SND1: variants seen among roughly 807,000 people sequenced by gnomAD.
SND1 encodes staphylococcal nuclease domain-containing protein 1.
SND1 carries 38 observed loss-of-function variants against 121.7 expected under a neutral mutation model. That is an observed-to-expected ratio of 0.31 (90% CI 0.24 to 0.41). SND1 has a LOEUF of 0.41. Among genes scored for constraint, SND1 ranks in the 10% least tolerant of loss-of-function variants. The pLI, the probability that SND1 is intolerant of heterozygous loss-of-function variation, is 1.00. For synonymous variants in SND1, 401 were observed against 447.4 expected, an observed-to-expected ratio of 0.90 and a Z score of 1.31; for missense variants, 868 against 1,184.6, an observed-to-expected ratio of 0.73 and a Z score of 3.92.
chr7:128,091,756 A>T lies in SND1; in HGVS notation c.2623-81A>T. 6 of 1,449,238 alleles carry T rather than the reference A, an allele frequency of 4.1e-6. No homozygotes were observed. The South Asian group carries it at 5.7e-5, about 14-fold the overall frequency. The allele number at this position is 1,449,238 out of a possible 1,614,324, so 89.8% of individuals were successfully genotyped here. On this transcript the variant is annotated intron_variant, in intron 22 of 23. Coordinates refer to ENST00000354725, the MANE Select transcript of SND1 (RefSeq NM_014390.4). Reference sequence around the variant, plus strand: ...TGAGCAAGGGAGAGCTCTGGCGCTTACCTAAGCATTCTGCAGGGTCCTGCT... The same window carrying T: ...TGAGCAAGGGAGAGCTCTGGCGCTTTCCTAAGCATTCTGCAGGGTCCTGCT...
In SND1 at chr7:128,029,298, G is replaced by A; in HGVS notation, c.1779+38242G>A. On this transcript the variant is annotated intron_variant, in intron 16 of 23. Transcript: ENST00000354725. This position sits in a 1 kb window ranked among gnomAD's most constrained non-coding sequence, Gnocchi z 4.2. ...TGTGGTGAAGAAGCTGTAGTTGGAG[G>A]TGTTAAGCTCAGCCGTGCTCACATT... 4 of 1,614,184 alleles carry A rather than the reference G, an allele frequency of 2.5e-6. No individual in the cohort carries two copies. The highest frequency in any genetic ancestry group is 1.7e-5 in the Admixed American group (1 of 60,028).
chr7:127,837,863 C>G (rs1156732407), intron 11 of SND1, among the ~76,000 whole-genome samples: 1 of 152,138 alleles, frequency 6.6e-6, no homozygotes, highest in Non-Finnish European at 1.5e-5. Context: ...AGAAGTAGCA[C>G]TCGAACATAA....
chr7:127,780,516 T>G (rs577196777), intron 10 of SND1, among the ~76,000 whole-genome samples: 1 of 152,346 alleles, frequency 6.6e-6, no homozygotes, highest in East Asian at 1.9e-4. Context: ...ATGGATCCCA[T>G]CAGAAATAAT....
At chr7:128,036,205 G>GTGTA (rs1265429956) in intron 16 of SND1, among the ~76,000 whole-genome samples, 1 of 127,046 alleles carries the variant, frequency 7.9e-6, no homozygotes, top group Non-Finnish European at 1.6e-5. Context: ...GAACACATTT[G>GTGTA]TGTGTGTGTG....
chr7:127,993,073 T>C (rs963234996), intron 16 of SND1, among the ~76,000 whole-genome samples: 10 of 152,216 alleles, frequency 6.6e-5, no homozygotes, highest in African/African-American at 1.2e-4. Context: ...TAGCTACTTA[T>C]ATGATTACTT....
At chr7:127,664,477 T>C (rs1795376265) in intron 1 of SND1, among the ~76,000 whole-genome samples, 1 of 152,038 alleles carries the variant, frequency 6.6e-6, no homozygotes, top group Admixed American at 6.6e-5. Context: ...GCTGAGAGGG[T>C]GGTGTGCCCA....
intron 1 of SND1, among the ~76,000 whole-genome samples, chr7:127,668,690 G>C (rs140814141): frequency 3.3e-5 from 5 of 152,256 alleles, no homozygotes; most frequent in African/African-American, 1.2e-4. Flanking sequence ...AATGAAAGCC[G>C]AACCCCTAAG....
At chr7:127,710,435 A>G (rs949230314) in intron 9 of SND1, among the ~76,000 whole-genome samples, 1 of 147,976 alleles carries the variant, frequency 6.8e-6, no homozygotes, top group African/African-American at 2.5e-5. Context: ...CTTCATCAAG[A>G]AAAGCTTACT....
chr7:127,683,386 T>G (rs1795760496), intron 1 of SND1, among the ~76,000 whole-genome samples: 1 of 152,128 alleles, frequency 6.6e-6, no homozygotes, highest in Non-Finnish European at 1.5e-5. Context: ...CAGCTACTTT[T>G]TTTGATTTTT....
intron 14 of SND1, among the ~76,000 whole-genome samples, chr7:127,916,550 A>G (rs1800583809): frequency 6.6e-6 from 1 of 152,176 alleles, no homozygotes; most frequent in Non-Finnish European, 1.5e-5. Flanking sequence ...ATATTAAGAG[A>G]GAAGAGTCCC....
At chr7:127,721,433 A>G (rs771403806) in intron 10 of SND1, 33 bp downstream of exon 10, 1 of 1,275,388 alleles carries the variant, frequency 7.8e-7, no homozygotes, top group South Asian at 1.2e-5. Context: ...GCCTCTTTGC[A>G]TAAACCAAAA....
intron 6 of SND1, 118 bp downstream of exon 6, chr7:127,702,644 G>A (rs889268857): frequency 3.9e-5 from 30 of 765,024 alleles, no homozygotes; most frequent in Non-Finnish European, 6.7e-5. Context: ...CATTAACATT[G>A]ACTTTATACT....
intron 10 of SND1, among the ~76,000 whole-genome samples, chr7:127,800,440 A>G (rs1485391245): frequency 1.3e-5 from 2 of 152,216 alleles, no homozygotes; most frequent in South Asian, 2.1e-4. Flanking sequence ...TCACAGAAGG[A>G]TATATCTGTA....
At chr7:127,762,860 C>T (rs961944102) in intron 10 of SND1, among the ~76,000 whole-genome samples, 1 of 152,172 alleles carries the variant, frequency 6.6e-6, no homozygotes, top group Non-Finnish European at 1.5e-5. Flanking sequence ...ATTGTATATG[C>T]AATGGCATCA....
chr7:127,873,467 A>C (rs918119221), intron 12 of SND1, among the ~76,000 whole-genome samples: 1 of 152,134 alleles, frequency 6.6e-6, no homozygotes, highest in African/African-American at 2.4e-5. Flanking sequence ...AATACAGGGC[A>C]AGACCGAGAA....
intron 11 of SND1, among the ~76,000 whole-genome samples, chr7:127,808,783 G>T (rs1281146136): frequency 6.6e-6 from 1 of 152,200 alleles, no homozygotes; most frequent in African/African-American, 2.4e-5. Flanking sequence ...TCAATTTCTA[G>T]ATCTCCTGTT....
At chr7:127,840,626 T>C (rs1406825255) in intron 11 of SND1, among the ~76,000 whole-genome samples, 2 of 152,240 alleles carry the variant, frequency 1.3e-5, no homozygotes, top group African/African-American at 2.4e-5. Flanking sequence ...CTGGTTTTAA[T>C]TGAAGCTGTT....
At chr7:127,665,829 A>C in intron 1 of SND1, among the ~76,000 whole-genome samples, 1 of 152,244 alleles carries the variant, frequency 6.6e-6, no homozygotes, top group East Asian at 1.9e-4. Context: ...GTAATAACCC[A>C]AAACAGAATC....
rs150287773 is a variant in SND1 at position 128,052,810 on chromosome 7, C to T, written c.1780-21692C>T. 3.3e-5 allele frequency among the ~76,000 whole-genome samples: 5 copies of T among 152,310 alleles called. No homozygotes were observed. In the East Asian group the frequency reaches 7.7e-4, roughly 24 times the overall value. On this transcript the variant is annotated intron_variant, in intron 16 of 23. Coordinates refer to ENST00000354725, the MANE Select transcript of SND1 (RefSeq NM_014390.4). The surrounding 1 kb of genome is among the most constrained non-coding windows in gnomAD (Gnocchi z 4.6). Reference sequence around the variant, plus strand: ...ATTCCCTCGGATTTCAGTGTTACTTCGATGGGTCCCTTGGGGCAGAAAAAT... The same window carrying T: ...ATTCCCTCGGATTTCAGTGTTACTTTGATGGGTCCCTTGGGGCAGAAAAAT...
Sources: gnomAD v4.1 joint callset for allele counts (sites outside exome capture counted in the v4.1 genomes callset) on GRCh38, gnomAD v4.1.1 for gene constraint, Gnocchi (gnomAD v3.1) non-coding constraint, MANE v1.5 for transcripts, NCBI Gene and HGNC (gene_info 2026-07-23, HGNC 2026-07-21) for gene names.